Variants in NEMF observed in about 807,000 individuals in gnomAD.
The protein encoded by NEMF is ribosome quality control complex subunit NEMF.
Under a neutral mutation model 162.2 loss-of-function variants are expected in NEMF, and 89 were observed. The ratio of observed to expected loss-of-function variants is 0.55; its 90% CI spans 0.46 to 0.65. The LOEUF (loss-of-function observed/expected upper bound fraction) is 0.65. NEMF is among the 30% of genes least tolerant of loss of function. NEMF has a pLI of 0.00. For missense variants in NEMF, 1,133 were observed against 1,261.9 expected (o/e 0.90, Z 1.55); for synonymous variants, 421 against 404.5 (o/e 1.04, Z -0.49).
intron 11 of NEMF, among the ~76,000 whole-genome samples, chr14:49,830,377 T>C (rs916056636): frequency 6.6e-6 from 1 of 152,130 alleles, no homozygotes; most frequent in Non-Finnish European, 1.5e-5. Context: ...GAGGAAGTGG[T>C]ACAGGGATTC....
intron 28 of NEMF, among the ~76,000 whole-genome samples, chr14:49,788,734 T>G (rs1890303897): frequency 6.6e-6 from 1 of 151,962 alleles, no homozygotes; most frequent in Non-Finnish European, 1.5e-5. Context: ...TTTTTGTATT[T>G]TTTTAGTAGA....
chr14:49,839,897 T>C (rs1177482316), intron 5 of NEMF: 6 of 152,342 alleles, frequency 3.9e-5, no homozygotes, highest in East Asian at 1.9e-4. Flanking sequence ...CGGTCGCTCA[T>C]ACCTGTAACT....
At chr14:49,845,488 CTTT>C (rs974074863) in intron 4 of NEMF, among the ~76,000 whole-genome samples, 1 of 152,136 alleles carries the variant, frequency 6.6e-6, no homozygotes, top group African/African-American at 2.4e-5. Context: ...CTTCCTGGAA[CTTT>C]TTTACTTTAT....
At chr14:49,833,707 C>T (rs1466617398) in intron 7 of NEMF, among the ~76,000 whole-genome samples, 1 of 152,172 alleles carries the variant, frequency 6.6e-6, no homozygotes, top group African/African-American at 2.4e-5. Flanking sequence ...TTTATTGAAT[C>T]ATCCACCTTT....
rs766322868 is a variant in NEMF at position 49,782,802 on chromosome 14, AC to A, written c.*1833del. On this transcript the variant is annotated 3_prime_UTR_variant, in exon 33 of 33. Coordinates refer to ENST00000298310, the MANE Select transcript of NEMF (RefSeq NM_004713.6). ...TACTTCCAAACAGTAAAGTGAAATT[AC>A]TTTTCTCTTTCCTTGTCCACTTTCA... The A allele has an allele frequency of 6.2e-7, 1 of 1,602,942 alleles. No individual in the cohort carries two copies. The highest frequency in any genetic ancestry group is 1.1e-5 in the South Asian group (1 of 89,060).
At chr14:49,820,888 G>A (rs562867144) in intron 16 of NEMF, among the ~76,000 whole-genome samples, 14 of 152,168 alleles carry the variant, frequency 9.2e-5, no homozygotes, top group South Asian at 4.1e-4. Flanking sequence ...CCAAGGTGCC[G>A]GGATTGCAGA....
intron 3 of NEMF, among the ~76,000 whole-genome samples, chr14:49,848,350 T>C (rs2140032620): frequency 6.6e-6 from 1 of 152,256 alleles, no homozygotes; most frequent in East Asian, 1.9e-4. Context: ...GTATATCAAA[T>C]CCAAATACAA....
At chr14:49,800,130 T>C (rs141533669) in intron 23 of NEMF, among the ~76,000 whole-genome samples, 204 of 152,278 alleles carry the variant, frequency 1.3e-3, no homozygotes, top group African/African-American at 4.5e-3. Flanking sequence ...CAAAACATTA[T>C]ATAGACTAAA....
intron 16 of NEMF, among the ~76,000 whole-genome samples, chr14:49,816,288 C>T (rs1891713445): frequency 6.6e-6 from 1 of 152,186 alleles, no homozygotes; most frequent in Admixed American, 6.5e-5. Flanking sequence ...TCTCTTAATC[C>T]TGTCAATCTT....
chr14:49,810,402 A>T (rs1291271037), intron 18 of NEMF, among the ~76,000 whole-genome samples: 4 of 152,062 alleles, frequency 2.6e-5, no homozygotes, highest in Non-Finnish European at 5.9e-5. Context: ...AAAAGAAAAA[A>T]AGAAAGAGGA....
At position 49,788,903 on chromosome 14, in the gene NEMF, C is replaced by T. The variant is rs548510728; in HGVS notation, c.2895+243G>A. ...GTTCCCATCAGAATCAAAGCCTCTC[C>T]TTAAAACTGATTACTTCCTAAAGGC... is the stretch of plus-strand genomic sequence containing the variant. On this transcript the variant is annotated intron_variant, in intron 28 of 32. Transcript: ENST00000298310. Among the ~76,000 whole-genome samples, 12 of 152,088 alleles carry T rather than the reference C, an allele frequency of 7.9e-5. No individual in the cohort carries two copies. The South Asian group carries it at 1.2e-3, about 16-fold the overall frequency.
chr14:49,833,380 C>A, intron 8 of NEMF, 43 bp downstream of exon 8: 2 of 1,269,800 alleles, frequency 1.6e-6, no homozygotes, highest in South Asian at 1.6e-5. Flanking sequence ...TCTGAAAACC[C>A]AAATAAATCA....
chr14:49,846,938 T>A (rs563685800), intron 3 of NEMF, among the ~76,000 whole-genome samples: 1 of 152,350 alleles, frequency 6.6e-6, no homozygotes, highest in South Asian at 2.1e-4. Context: ...CAGACTGGAA[T>A]GCAGTGGCAC....
At position 49,806,031 on chromosome 14, in the gene NEMF, T is replaced by C. The variant is rs779800254; in HGVS notation, c.1847A>G (p.Tyr616Cys). The C allele has an allele frequency of 1.9e-6, 3 of 1,608,074 alleles. No homozygotes were observed. Among genetic ancestry groups the C allele is most frequent in the African/African-American group, 2.7e-5 (2 of 74,548 alleles). ...AAGAGCCCTTATTACCTGATGATGG[T>C]ACACCCACCAAGCACTAGTGATAAC... ...ARVITSAWWVYHHQVSKTAPT... is the reference protein window; with the variant it reads ...ARVITSAWWVCHHQVSKTAPT... Residue 616 changes from tyrosine to cysteine, a missense_variant, in exon 19 of 33, where the codon TAC (tyrosine) becomes TGC (cysteine). Tyr to Cys is a radical substitution (Grantham distance 194). Around this residue, in one of 3 missense-constraint regions of NEMF, gnomAD observed 532 missense variants for 578.6 expected, o/e 0.92. Coordinates refer to ENST00000298310, the MANE Select transcript of NEMF (RefSeq NM_004713.6).
intron 5 of NEMF, 45 bp downstream of exon 5, chr14:49,840,673 C>G (rs779180401): frequency 6.4e-7 from 1 of 1,557,260 alleles, no homozygotes; most frequent in Non-Finnish European, 8.7e-7. Context: ...TTGCCCAGTA[C>G]ATTTTAATAC....
chr14:49,831,156 C>A, intron 11 of NEMF, 143 bp downstream of exon 11: 1 of 561,166 alleles, frequency 1.8e-6, no homozygotes, highest in Non-Finnish European at 3.2e-6. Context: ...CTTCATAAAC[C>A]TTTATCATAA....
rs1023789938 is a variant in NEMF at position 49,789,226 on chromosome 14, T to C, written c.2815A>G (p.Ile939Val). ...TCAAGGAACGGAGTTTCTTTCTTAA[T>C]GTTGTCAGAGACCCTCTGTCCACCT... ...PRGGQRVSDN[I>V]KKETPFLEVI... is the part of the protein sequence containing the mutation. The change falls in exon 28 of 33, where the codon ATT becomes GTT. Residue 939 changes from isoleucine to valine, a missense_variant. This residue lies in a region of NEMF where 532 missense variants were observed against 578.6 expected (regional missense o/e 0.92). Transcript: ENST00000298310. 11 of 1,614,166 alleles carry C rather than the reference T, an allele frequency of 6.8e-6. No homozygotes were observed. The highest frequency in any genetic ancestry group is 9.3e-6 in the Non-Finnish European group (11 of 1,180,000).
Position 49,851,565 on chromosome 14 carries a change from T to C in NEMF, c.229A>G (p.Lys77Glu). Residue 77 changes from lysine to glutamate, a missense_variant and splice_region_variant, in exon 3 of 33, where the codon AAG (lysine) becomes GAG (glutamate). By Grantham distance (56) the Lys-to-Glu change is moderately conservative (BLOSUM62 1). Coordinates refer to ENST00000298310, the MANE Select transcript of NEMF (RefSeq NM_004713.6). ...KNMMPSSFAM[K>E]CRKHLKSRRL... ...AGCTTCAAGCGTAACAAGTTTACCT[T>C]CATGGCAAAACTAGACGGCATCATA... The C allele has an allele frequency of 6.2e-6, 10 of 1,608,456 alleles. No individual in the cohort carries two copies. The highest frequency in any genetic ancestry group is 8.5e-6 in the Non-Finnish European group (10 of 1,175,468).
intron 16 of NEMF, chr14:49,820,588 G>A: frequency 2.3e-6 from 1 of 434,972 alleles, no homozygotes; most frequent in South Asian, 1.6e-5. Context: ...GGCCAATATG[G>A]TGAAATCCAT....
Sources: allele counts gnomAD v4.1 joint callset (sites outside exome capture counted in the v4.1 genomes callset), GRCh38; gene constraint gnomAD v4.1.1; regional missense constraint gnomAD v4.1.1; transcripts MANE v1.5; gene names NCBI Gene and HGNC (gene_info 2026-07-23, HGNC 2026-07-21).